The following ILKAP variants were observed in gnomAD, a reference collection of about 807,000 sequenced individuals.
ILKAP encodes the protein ILK associated serine/threonine phosphatase.
ILKAP carries 11 observed loss-of-function variants against 49.1 expected under a neutral mutation model. The observed-to-expected ratio is 0.22, with a 90% CI of 0.14 to 0.37. The LOEUF (loss-of-function observed/expected upper bound fraction) is 0.37. Ranked by LOEUF, ILKAP falls within the 10% of genes least tolerant of loss-of-function variation. The pLI is 1.00. For synonymous variants in ILKAP, 186 were observed against 192.8 expected (o/e 0.96, Z 0.29); for missense variants, 363 against 510.8 (o/e 0.71, Z 2.79).
At chr2:238,192,717 A>AG (rs1291560042) in intron 3 of ILKAP, among the ~76,000 whole-genome samples, 21 of 149,792 alleles carry the variant, frequency 1.4e-4, no homozygotes, top group African/African-American at 4.7e-4. Context: ...GAAAAAAAAA[A>AG]AAAGAATGTG....
At chr2:238,170,896 C>G in intron 11 of ILKAP, 47 bp downstream of exon 11, 1 of 1,561,748 alleles carries the variant, frequency 6.4e-7, no homozygotes, top group Non-Finnish European at 8.8e-7. Context: ...TCTCTGAAAA[C>G]TAAGACACAA....
chr2:238,180,184 G>GAAAGAAAAAGAAAAAGAA (rs71043111), intron 9 of ILKAP, among the ~76,000 whole-genome samples: 1 of 150,154 alleles, frequency 6.7e-6, no homozygotes, highest in East Asian at 2.0e-4. Flanking sequence ...AAAAAAGAAA[G>GAAAGAAAAAGAAAAAGAA]AAAGAAAAAG....
chr2:238,196,497 GATT>G (rs904666902), intron 1 of ILKAP, among the ~76,000 whole-genome samples: 1 of 152,180 alleles, frequency 6.6e-6, no homozygotes, highest in Admixed American at 6.5e-5. Context: ...AAAGTGCTGG[GATT>G]ACAGGTATGA....
At chr2:238,202,496 C>A (rs1694610018) in intron 1 of ILKAP, among the ~76,000 whole-genome samples, 1 of 152,216 alleles carries the variant, frequency 6.6e-6, no homozygotes, top group Admixed American at 6.5e-5. Flanking sequence ...AACCACTGGT[C>A]TCCAGCCCCC....
At chr2:238,189,270 G>C (rs1694026201) in intron 4 of ILKAP, among the ~76,000 whole-genome samples, 1 of 151,594 alleles carries the variant, frequency 6.6e-6, no homozygotes, top group Non-Finnish European at 1.5e-5. Context: ...AGCCGAGATG[G>C]TGCCACTCCA....
chr2:238,171,135 G>A (rs893224427), intron 10 of ILKAP, 111 bp from the exon 11 acceptor site: 6 of 731,932 alleles, frequency 8.2e-6, no homozygotes, highest in African/African-American at 1.8e-5. Context: ...ACTATTCAAA[G>A]GCTAAGGTTT....
At chr2:238,171,109 A>T (rs545231735) in intron 10 of ILKAP, 85 bp from the exon 11 acceptor site, 1 of 902,094 alleles carries the variant, frequency 1.1e-6, no homozygotes, top group African/African-American at 1.7e-5. Context: ...ATGGAGATAA[A>T]ATAAATATTT....
intron 9 of ILKAP, among the ~76,000 whole-genome samples, chr2:238,176,963 T>C (rs1227367201): frequency 6.6e-6 from 1 of 152,258 alleles, no homozygotes; most frequent in Non-Finnish European, 1.5e-5. Flanking sequence ...CTAGAACAGT[T>C]ACTTTTGGTT....
chr2:238,189,840 A>G lies in ILKAP; in HGVS notation c.298+13T>C. The G allele has an allele frequency of 6.2e-7, 1 of 1,612,648 alleles. No homozygotes were observed. The highest frequency in any genetic ancestry group is 8.5e-7 in the Non-Finnish European group (1 of 1,179,198). On this transcript the variant is annotated intron_variant, in intron 4 of 11. Transcript: ENST00000254654. ...TGAAGTCTAATACATTTGTTTTCAA[A>G]TTGTCTGAAAACCTTTACAAACTTT...
chr2:238,184,217 G>A, intron 6 of ILKAP, 104 bp from the exon 7 acceptor site: 1 of 703,762 alleles, frequency 1.4e-6, no homozygotes, highest in South Asian at 1.6e-5. Context: ...TTGAGACGGA[G>A]TCTCGTTCTG....
chr2:238,191,153 C>CTT (rs770071645), intron 3 of ILKAP, among the ~76,000 whole-genome samples: 2 of 142,212 alleles, frequency 1.4e-5, no homozygotes, highest in Non-Finnish European at 3.1e-5. Context: ...CACAAGGTGT[C>CTT]TTTTTTTTTT....
intron 9 of ILKAP, among the ~76,000 whole-genome samples, chr2:238,177,437 C>T (rs1486387608): frequency 6.6e-6 from 1 of 152,146 alleles, no homozygotes; most frequent in Non-Finnish European, 1.5e-5. Flanking sequence ...CTTTTTCTAC[C>T]TTCCCAGACT....
Position 238,183,715 on chromosome 2 carries a change from T to G in ILKAP, c.652A>C (p.Thr218Pro). ...SQKPAWKDGS[T>P]ATCVLAVDNI... The stretch of plus-strand genomic sequence containing the variant: ...TCTACAGCCAGAACACACGTGGCAG[T>G]GGACCCATCTTTCCAGGCAGGCTTC... The change falls in exon 8 of 12, where the codon ACT becomes CCT. Residue 218 changes from threonine to proline, a missense_variant. Transcript: ENST00000254654. 6.2e-7 allele frequency: 1 copy of G among 1,612,980 alleles called. No individual in the cohort carries two copies. The highest frequency in any genetic ancestry group is 8.5e-7 in the Non-Finnish European group (1 of 1,179,696).
chr2:238,173,394 A>T, intron 10 of ILKAP, 140 bp downstream of exon 10: 1 of 1,111,190 alleles, frequency 9.0e-7, no homozygotes, highest in Non-Finnish European at 1.3e-6. Flanking sequence ...AGCAGAAACC[A>T]CATTTTGTTT....
At chr2:238,201,966 T>TGTA (rs904503892) in intron 1 of ILKAP, among the ~76,000 whole-genome samples, 2 of 152,162 alleles carry the variant, frequency 1.3e-5, no homozygotes, top group African/African-American at 4.8e-5. Flanking sequence ...GGCTCACACC[T>TGTA]GTAATCCCAG....
chr2:238,177,445 A>G (rs1693509543), intron 9 of ILKAP, among the ~76,000 whole-genome samples: 2 of 152,134 alleles, frequency 1.3e-5, no homozygotes, highest in East Asian at 1.9e-4. Flanking sequence ...ACCTTCCCAG[A>G]CTGAGATTGT....
At chr2:238,196,043 C>CAGAAAA (rs1553594969) in intron 1 of ILKAP, among the ~76,000 whole-genome samples, 1 of 67,868 alleles carries the variant, frequency 1.5e-5, no homozygotes, top group African/African-American at 6.3e-5. Context: ...GACTCTGTCA[C>CAGAAAA]AAAAAAAAAA....
At chr2:238,195,123 A>G (rs980234231) in intron 1 of ILKAP, among the ~76,000 whole-genome samples, 1 of 152,264 alleles carries the variant, frequency 6.6e-6, no homozygotes. Flanking sequence ...GGGCCACTGA[A>G]TATTTTGAGG....
chr2:238,188,328 A>G, intron 4 of ILKAP, 71 bp from the exon 5 acceptor site: 1 of 1,545,594 alleles, frequency 6.5e-7, no homozygotes, highest in Non-Finnish European at 8.8e-7. Context: ...GTCCCAGAGC[A>G]AATGAGAGGG....
Sources: gnomAD v4.1 joint callset for allele counts (sites outside exome capture counted in the v4.1 genomes callset) on GRCh38, gnomAD v4.1.1 for gene constraint, MANE v1.5 for transcripts, NCBI Gene and HGNC (gene_info 2026-07-23, HGNC 2026-07-21) for gene names.